Variants in FANCL observed in about 807,000 individuals in gnomAD.
FANCL encodes FA complementation group L, also known as E3 ubiquitin-protein ligase FANCL.
Under a neutral mutation model 59.4 loss-of-function variants are expected in FANCL, and 69 were observed. The ratio of observed to expected loss-of-function variants is 1.16; its 90% CI spans 0.96 to 1.42. FANCL has a LOEUF of 1.42. Ranked by LOEUF, FANCL falls within the 40% of genes most tolerant of loss-of-function variation. The pLI is 0.00. For missense variants in FANCL, 519 were observed against 447.2 expected, an observed-to-expected ratio of 1.16 and a Z score of -1.45; for synonymous variants, 180 against 147.1, an observed-to-expected ratio of 1.22 and a Z score of -1.62.
chr2:58,231,512 A>G (rs570314114), intron 2 of FANCL, among the ~76,000 whole-genome samples: 1 of 152,206 alleles, frequency 6.6e-6, no homozygotes, highest in South Asian at 2.1e-4. Flanking sequence ...AAATCCTCTC[A>G]ATTCTACTCA....
chr2:58,205,040 A>AT (rs1159563716), intron 5 of FANCL, among the ~76,000 whole-genome samples: 1 of 152,120 alleles, frequency 6.6e-6, no homozygotes, highest in African/African-American at 2.4e-5. Context: ...TATTTTTGAC[A>AT]TTTTTACAAT....
intron 5 of FANCL, among the ~76,000 whole-genome samples, chr2:58,205,670 C>T (rs149435269): frequency 3.3e-5 from 5 of 152,114 alleles, no homozygotes; most frequent in Non-Finnish European, 7.4e-5. Context: ...AAGCAAACTT[C>T]AACAACTTTT....
Position 58,159,695 on chromosome 2 carries a change from G to A in FANCL, c.*70C>T, listed in dbSNP as rs770675343. Reference sequence around the variant, plus strand: ...TTTCTTGCTTTATTTTTTCTCTGAAGATGATACCAAAATTCCTTTTGATAA... The same window carrying A: ...TTTCTTGCTTTATTTTTTCTCTGAAAATGATACCAAAATTCCTTTTGATAA... On this transcript the variant is annotated 3_prime_UTR_variant, in exon 14 of 14. Transcript: ENST00000233741. 1 of 1,612,356 alleles carries A rather than the reference G, an allele frequency of 6.2e-7. No homozygotes were observed. The highest frequency in any genetic ancestry group is 1.1e-5 in the South Asian group (1 of 90,714).
chr2:58,193,590 G>A (rs911547910), intron 7 of FANCL, among the ~76,000 whole-genome samples: 4 of 151,852 alleles, frequency 2.6e-5, no homozygotes, highest in Non-Finnish European at 5.9e-5. Flanking sequence ...ATACCACTGT[G>A]GCAACAGTAA....
chr2:58,202,235 T>C (rs955062348), intron 6 of FANCL, among the ~76,000 whole-genome samples: 2 of 107,436 alleles, frequency 1.9e-5, no homozygotes, highest in East Asian at 2.4e-4. Flanking sequence ...CTATACCTTT[T>C]TCCTAAAAAA....
In FANCL at chr2:58,213,562, G is replaced by C. The variant is rs1177282671; in HGVS notation, c.374+8380C>G. On this transcript the variant is annotated intron_variant, in intron 5 of 13. Coordinates refer to ENST00000233741, the MANE Select transcript of FANCL (RefSeq NM_018062.4). Reference sequence around the variant, plus strand: ...TAAAACAAATGATTAAGTAACAGCAGCTAAATCGAAAGTCATTTATTCATC... The same window carrying C: ...TAAAACAAATGATTAAGTAACAGCACCTAAATCGAAAGTCATTTATTCATC... The C allele has an allele frequency of 2.0e-5, 3 of 152,160 alleles. No individual in the cohort carries two copies. The South Asian group carries it at 6.2e-4, about 32-fold the overall frequency. 9.4% of individuals were successfully genotyped at this position (152,160 alleles called of 1,614,324 possible). A position where few individuals can be genotyped will look rare whatever the true frequency, so the allele number is the denominator to read the frequency against.
At chr2:58,233,472 CA>C (rs1255835088) in intron 1 of FANCL, among the ~76,000 whole-genome samples, 9 of 152,016 alleles carry the variant, frequency 5.9e-5, no homozygotes. Context: ...GAAATACTAA[CA>C]GTTACCTAAA....
chr2:58,174,296 A>T lies in FANCL; in HGVS notation c.541-8422T>A, dbSNP rs934547164. On this transcript the variant is annotated intron_variant, in intron 7 of 13. Coordinates refer to ENST00000233741, the MANE Select transcript of FANCL (RefSeq NM_018062.4). ...CTCTGCACCAAGCAGACCTAATAGA[A>T]ATCTACAGAACTTTCCACCCCAAAT... Among the ~76,000 whole-genome samples the T allele has an allele frequency of 3.3e-5, 5 of 152,188 alleles. No homozygotes were observed. In the South Asian group the frequency reaches 6.2e-4, roughly 19 times the overall value.
At chr2:58,190,132 T>C (rs1265434407) in intron 7 of FANCL, among the ~76,000 whole-genome samples, 1 of 152,060 alleles carries the variant, frequency 6.6e-6, no homozygotes, top group Admixed American at 6.6e-5. Flanking sequence ...TCTACAGGTA[T>C]ATCTGTAACT....
At chr2:58,165,376 G>C (rs1685794706) in intron 8 of FANCL, among the ~76,000 whole-genome samples, 1 of 152,156 alleles carries the variant, frequency 6.6e-6, no homozygotes, top group Admixed American at 6.5e-5. Flanking sequence ...AAGATTGTAA[G>C]CTTCACAAAT....
At chr2:58,198,826 G>A (rs967925490) in intron 6 of FANCL, among the ~76,000 whole-genome samples, 164 bp from the exon 7 acceptor site, 2 of 152,016 alleles carry the variant, frequency 1.3e-5, no homozygotes, top group African/African-American at 2.4e-5. Context: ...TCAGGAGATC[G>A]AGATCATCCT....
At chr2:58,168,902 C>T (rs1345095120) in intron 7 of FANCL, among the ~76,000 whole-genome samples, 1 of 152,158 alleles carries the variant, frequency 6.6e-6, no homozygotes, top group Admixed American at 6.5e-5. Flanking sequence ...TCACCAGATT[C>T]CTCCTCTCTG....
At chr2:58,216,127 C>T (rs1158176064) in intron 5 of FANCL, among the ~76,000 whole-genome samples, 1 of 152,014 alleles carries the variant, frequency 6.6e-6, no homozygotes, top group African/African-American at 2.4e-5. Context: ...TTAGGATCTA[C>T]CAGGGGGGAA....
intron 5 of FANCL, among the ~76,000 whole-genome samples, chr2:58,208,521 T>C (rs1375112111): frequency 1.3e-5 from 2 of 152,208 alleles, no homozygotes; most frequent in Non-Finnish European, 2.9e-5. Flanking sequence ...GTGTTTTACA[T>C]AGCTCATAAA....
At chr2:58,208,611 T>G (rs566734132) in intron 5 of FANCL, among the ~76,000 whole-genome samples, 1 of 152,194 alleles carries the variant, frequency 6.6e-6, no homozygotes, top group South Asian at 2.1e-4. Flanking sequence ...TTAAGTAGTA[T>G]TAACATCAAC....
intron 7 of FANCL, among the ~76,000 whole-genome samples, chr2:58,198,036 T>C (rs1471389168): frequency 6.8e-6 from 1 of 147,870 alleles, no homozygotes; most frequent in East Asian, 1.9e-4. Context: ...ATGGTGTGTG[T>C]GTGTGTGTGC....
At chr2:58,197,244 C>A (rs898178096) in intron 7 of FANCL, among the ~76,000 whole-genome samples, 1 of 151,282 alleles carries the variant, frequency 6.6e-6, no homozygotes, top group Non-Finnish European at 1.5e-5. Flanking sequence ...CTTGACAAGA[C>A]TATTTAAATC....
intron 7 of FANCL, among the ~76,000 whole-genome samples, chr2:58,186,435 T>G (rs549320270): frequency 6.6e-6 from 1 of 152,116 alleles, no homozygotes; most frequent in South Asian, 2.1e-4. Flanking sequence ...GGAAAATTTA[T>G]TGGAAGTGAA....
At chr2:58,212,399 A>G (rs942011868) in intron 5 of FANCL, among the ~76,000 whole-genome samples, 3 of 152,222 alleles carry the variant, frequency 2.0e-5, no homozygotes, top group Non-Finnish European at 4.4e-5. Flanking sequence ...GTACAACTCA[A>G]GATGAGATTT....
Sources: gnomAD v4.1 joint callset for allele counts (sites outside exome capture counted in the v4.1 genomes callset) on GRCh38, gnomAD v4.1.1 for gene constraint, MANE v1.5 for transcripts, NCBI Gene and HGNC (gene_info 2026-07-23, HGNC 2026-07-21) for gene names.